Variants in SH3RF3 observed in about 807,000 individuals in gnomAD.
SH3RF3 encodes SH3 domain containing ring finger 3, also known as E3 ubiquitin-protein ligase SH3RF3.
SH3RF3 carries 29 observed loss-of-function variants against 66.3 expected under a neutral mutation model. The observed-to-expected ratio is 0.44, with a 90% CI of 0.33 to 0.60. The LOEUF (loss-of-function observed/expected upper bound fraction) is 0.60. Among genes scored for constraint, SH3RF3 ranks in the 20% least tolerant of loss-of-function variants. The pLI, the probability that SH3RF3 is intolerant of heterozygous loss-of-function variation, is 0.04. For synonymous variants in SH3RF3, 583 were observed against 532.0 expected, an observed-to-expected ratio of 1.10 and a Z score of -1.32; for missense variants, 1,194 against 1,190.9, an observed-to-expected ratio of 1.00 and a Z score of -0.04.
intron 7 of SH3RF3, among the ~76,000 whole-genome samples, chr2:109,442,622 CATTCTT>C (rs1196213748): frequency 1.3e-5 from 2 of 152,098 alleles, no homozygotes; most frequent in East Asian, 1.9e-4. Flanking sequence ...ACTACTGTAA[CATTCTT>C]ATACTATGAA....
At chr2:109,223,597 A>C (rs549261369) in intron 1 of SH3RF3, among the ~76,000 whole-genome samples, 239 of 152,186 alleles carry the variant, frequency 1.6e-3, no homozygotes, top group African/African-American at 4.9e-3. Flanking sequence ...GGTGGAGGGC[A>C]GTAGCACCAT....
At chr2:109,488,312 G>C (rs1679034319) in intron 8 of SH3RF3, among the ~76,000 whole-genome samples, 1 of 152,188 alleles carries the variant, frequency 6.6e-6, no homozygotes, top group South Asian at 2.1e-4. Flanking sequence ...GCACCCCTGA[G>C]TTGTGACAGC....
rs1466450405 is a variant in SH3RF3 at position 109,447,149 on chromosome 2, A to T, written c.1829-2021A>T. On this transcript the variant is annotated intron_variant, in intron 7 of 9. Transcript: ENST00000309415. Reference sequence around the variant, plus strand: ...ACCCAGCTGAAGCCCTGAATATTTAAAAAAAAAAAAAAAAAAAAAGAAAAG... The same window carrying T: ...ACCCAGCTGAAGCCCTGAATATTTATAAAAAAAAAAAAAAAAAAAGAAAAG... Among the ~76,000 whole-genome samples, 5 of 96,172 alleles carry T rather than the reference A, an allele frequency of 5.2e-5. No homozygotes were observed. The East Asian group carries it at 1.3e-3, about 25-fold the overall frequency. The allele number at this position is 96,172 out of a possible 152,430, so 63.1% of individuals were successfully genotyped here.
At chr2:109,142,707 G>A (rs1447748540) in intron 1 of SH3RF3, among the ~76,000 whole-genome samples, 3 of 152,134 alleles carry the variant, frequency 2.0e-5, no homozygotes, top group African/African-American at 4.8e-5. Context: ...ATGGGCTGTC[G>A]GGCCTGGGTT....
At position 109,351,127 on chromosome 2, in the gene SH3RF3, C is replaced by T. The variant is rs187785557; in HGVS notation, c.849+3178C>T. Among the ~76,000 whole-genome samples, 14 of 152,262 alleles carry T rather than the reference C, an allele frequency of 9.2e-5. No individual in the cohort carries two copies. In the East Asian group the frequency reaches 2.1e-3, roughly 23 times the overall value. On this transcript the variant is annotated intron_variant, in intron 2 of 9. Coordinates refer to ENST00000309415, the MANE Select transcript of SH3RF3 (RefSeq NM_001099289.3). Reference sequence around the variant, plus strand: ...GATATTTTATTACTTCTTAGTAGCCCGACTCCAGAAAGCTGGGCATGTGCA... The same window carrying T: ...GATATTTTATTACTTCTTAGTAGCCTGACTCCAGAAAGCTGGGCATGTGCA...
At chr2:109,394,925 T>TCC (rs1472103230) in intron 3 of SH3RF3, among the ~76,000 whole-genome samples, 1 of 152,224 alleles carries the variant, frequency 6.6e-6, no homozygotes, top group African/African-American at 2.4e-5. Flanking sequence ...GGAGCCGCCG[T>TCC]CCCGCACAGG....
intron 1 of SH3RF3, among the ~76,000 whole-genome samples, chr2:109,204,366 C>G (rs1456945664): frequency 6.6e-6 from 1 of 152,194 alleles, no homozygotes; most frequent in Non-Finnish European, 1.5e-5. Flanking sequence ...ATCTCCTTAT[C>G]TTATCTTTTA....
chr2:109,347,062 G>A (rs1228288268), intron 1 of SH3RF3, among the ~76,000 whole-genome samples: 1 of 152,192 alleles, frequency 6.6e-6, no homozygotes, highest in Non-Finnish European at 1.5e-5. Flanking sequence ...GGAACGCTCA[G>A]CACGACGGAT....
At chr2:109,342,262 T>A (rs953473774) in intron 1 of SH3RF3, among the ~76,000 whole-genome samples, 4 of 152,214 alleles carry the variant, frequency 2.6e-5, no homozygotes, top group East Asian at 3.9e-4. Flanking sequence ...CAACATGGAC[T>A]GTGAATCTCA....
At chr2:109,256,395 G>A (rs1186475755) in intron 1 of SH3RF3, among the ~76,000 whole-genome samples, 1 of 152,190 alleles carries the variant, frequency 6.6e-6, no homozygotes, top group Admixed American at 6.5e-5. Flanking sequence ...GCGGCAATGC[G>A]ATGTCCTCCC....
chr2:109,318,951 C>G (rs1299083906), intron 1 of SH3RF3, among the ~76,000 whole-genome samples: 2 of 152,218 alleles, frequency 1.3e-5, no homozygotes, highest in African/African-American at 4.8e-5. Context: ...CATAACTTCC[C>G]TGAGAACATT....
At chr2:109,285,444 C>G (rs1681010680) in intron 1 of SH3RF3, among the ~76,000 whole-genome samples, 1 of 152,222 alleles carries the variant, frequency 6.6e-6, no homozygotes. Context: ...TGCAGTGTGC[C>G]TGCTGTGCCG....
chr2:109,140,752 G>A (rs1676928330), intron 1 of SH3RF3, among the ~76,000 whole-genome samples: 1 of 152,144 alleles, frequency 6.6e-6, no homozygotes, highest in South Asian at 2.1e-4. Flanking sequence ...TGCTCTACAC[G>A]TGGTTAATAG....
At chr2:109,244,392 A>G (rs1386659572) in intron 1 of SH3RF3, among the ~76,000 whole-genome samples, 1 of 152,222 alleles carries the variant, frequency 6.6e-6, no homozygotes, top group African/African-American at 2.4e-5. Flanking sequence ...TTATGAAAGT[A>G]AATACTATAT....
At chr2:109,429,870 A>C (rs1174546781) in intron 5 of SH3RF3, among the ~76,000 whole-genome samples, 1 of 152,164 alleles carries the variant, frequency 6.6e-6, no homozygotes, top group African/African-American at 2.4e-5. Context: ...ACCAAGCTCC[A>C]CGCTGTGCAG....
At chr2:109,268,131 C>T (rs1574540383) in intron 1 of SH3RF3, among the ~76,000 whole-genome samples, 1 of 152,122 alleles carries the variant, frequency 6.6e-6, no homozygotes, top group East Asian at 2.0e-4. Context: ...CTCCACTCAC[C>T]TCCTTTGGTC....
intron 6 of SH3RF3, among the ~76,000 whole-genome samples, chr2:109,436,664 C>T (rs1359370154): frequency 2.0e-5 from 3 of 152,220 alleles, no homozygotes; most frequent in Admixed American, 6.5e-5. Flanking sequence ...TTTCTCAGGG[C>T]GGCTTTGCTA....
chr2:109,400,793 C>T lies in SH3RF3; in HGVS notation c.1299+1850C>T, dbSNP rs551846042. Among the ~76,000 whole-genome samples the T allele has an allele frequency of 3.9e-5, 6 of 152,342 alleles. No individual in the cohort carries two copies. The East Asian group carries it at 1.2e-3, about 29-fold the overall frequency. On this transcript the variant is annotated intron_variant, in intron 4 of 9. Coordinates refer to ENST00000309415, the MANE Select transcript of SH3RF3 (RefSeq NM_001099289.3). ...TGTAGTGTCTGGAGCTGTAACCGTG[C>T]AGTCATCTGCCCCCATGGTTACCCC...
At chr2:109,138,084 C>T (rs545925808) in intron 1 of SH3RF3, among the ~76,000 whole-genome samples, 1 of 152,330 alleles carries the variant, frequency 6.6e-6, no homozygotes, top group South Asian at 2.1e-4. Flanking sequence ...GGCACGATCT[C>T]GACTCACTGC....
Sources: gnomAD v4.1 joint callset for allele counts (sites outside exome capture counted in the v4.1 genomes callset) on GRCh38, gnomAD v4.1.1 for gene constraint, MANE v1.5 for transcripts, NCBI Gene and HGNC (gene_info 2026-07-23, HGNC 2026-07-21) for gene names.